Variants in CCDC117 observed in about 807,000 individuals in gnomAD.
CCDC117 encodes coiled-coil domain containing 117.
In CCDC117, 1 loss-of-function variant was observed where a neutral mutation model predicts 23.5. The ratio of observed to expected loss-of-function variants is 0.04; its 90% CI spans 0.02 to 0.20. The LOEUF is 0.20. Among genes scored for constraint, CCDC117 ranks in the 10% least tolerant of loss-of-function variants. The probability of loss-of-function intolerance (pLI) is 1.00; values close to 1 mark genes in which losing one functional copy is unlikely to be tolerated. For missense variants in CCDC117, 383 were observed against 348.2 expected, an observed-to-expected ratio of 1.10 and a Z score of -0.80; for synonymous variants, 132 against 124.8, an observed-to-expected ratio of 1.06 and a Z score of -0.39.
At chr22:28,776,900 A>G (rs569228040) in intron 2 of CCDC117, among the ~76,000 whole-genome samples, 26 of 151,382 alleles carry the variant, frequency 1.7e-4, no homozygotes, top group Admixed American at 1.5e-3. Context: ...TTGTATTTTT[A>G]GTAGAGAAAT....
At chr22:28,784,678 G>A (rs1396827953) in intron 4 of CCDC117, among the ~76,000 whole-genome samples, 1 of 152,234 alleles carries the variant, frequency 6.6e-6, no homozygotes, top group Non-Finnish European at 1.5e-5. Context: ...ATAGCCAGAA[G>A]TAAGCTGGTC....
chr22:28,783,735 T>G, intron 4 of CCDC117, 90 bp downstream of exon 4: 1 of 1,227,620 alleles, frequency 8.1e-7, no homozygotes, highest in African/African-American at 1.5e-5. Context: ...TCATTAGCTC[T>G]TTTTATCTCC....
At chr22:28,773,081 G>C (rs2031042847) in intron 1 of CCDC117, 47 bp downstream of exon 1, 1 of 918,648 alleles carries the variant, frequency 1.1e-6, no homozygotes, top group Non-Finnish European at 1.3e-6. Flanking sequence ...GGGCGGGCGG[G>C]CAGGCTGGGC....
chr22:28,773,181 C>T (rs965614162), intron 1 of CCDC117, 147 bp downstream of exon 1: 2 of 209,534 alleles, frequency 9.5e-6, no homozygotes, highest in Non-Finnish European at 1.7e-5. Context: ...AGCTTCGCAG[C>T]CCAGTTTACA....
intron 3 of CCDC117, among the ~76,000 whole-genome samples, 181 bp downstream of exon 3, chr22:28,781,353 T>TTTTTTTTTTTTTTTTTTTG (rs1225798112): frequency 8.1e-5 from 1 of 12,304 alleles, no homozygotes; most frequent in Non-Finnish European, 1.2e-4. Context: ...TTTTTTTTTT[T>TTTTTTTTTTTTTTTTTTTG]TTTTTTTTTT....
chr22:28,777,644 G>A (rs1291451281), intron 2 of CCDC117, among the ~76,000 whole-genome samples: 1 of 151,522 alleles, frequency 6.6e-6, no homozygotes, highest in African/African-American at 2.4e-5. Context: ...CGAGTTGCTG[G>A]GACCACAGGC....
rs2031298985 is a variant in CCDC117 at position 28,781,010 on chromosome 22, T to G, written c.302T>G (p.Ile101Ser). 1 of 1,613,970 alleles carries G rather than the reference T, an allele frequency of 6.2e-7. No individual in the cohort carries two copies. The change falls in exon 3 of 5, where the codon ATT becomes AGT. Residue 101 changes from isoleucine to serine, a missense_variant. By Grantham distance (142) the Ile-to-Ser change is moderately radical. Transcript: ENST00000249064. ...CTCTGTGCTGGTCCTAATGACTGGA[T>G]TCTTTGTGCACATCAGGATGTAGAG... ...AELCAGPNDW[I>S]LCAHQDVEGH...
intron 3 of CCDC117, among the ~76,000 whole-genome samples, chr22:28,782,549 C>G (rs1033927544): frequency 6.6e-6 from 1 of 152,128 alleles, no homozygotes; most frequent in Non-Finnish European, 1.5e-5. Context: ...GGCGATTCTC[C>G]TGCCTCAATC....
intron 4 of CCDC117, among the ~76,000 whole-genome samples, chr22:28,785,065 C>G (rs2031469915): frequency 6.6e-6 from 1 of 151,620 alleles, no homozygotes; most frequent in African/African-American, 2.4e-5. Flanking sequence ...CCACCGCGCC[C>G]AGCCAAGGGT....
intron 1 of CCDC117, chr22:28,773,378 A>C: frequency 4.4e-6 from 1 of 228,382 alleles, no homozygotes; most frequent in Non-Finnish European, 8.7e-6. Flanking sequence ...TCAGTGTCTC[A>C]TCTGCAAAGT....
At chr22:28,782,212 A>C (rs1323105418) in intron 3 of CCDC117, among the ~76,000 whole-genome samples, 1 of 146,174 alleles carries the variant, frequency 6.8e-6, no homozygotes, top group African/African-American at 2.6e-5. Flanking sequence ...TGCTGGGATT[A>C]CAGGCATGAG....
Position 28,772,724 on chromosome 22 carries a change from G to T in CCDC117, c.-126G>T. The T allele has an allele frequency of 1.4e-6, 1 of 713,898 alleles. No individual in the cohort carries two copies. The highest frequency in any genetic ancestry group is 1.9e-6 in the Non-Finnish European group (1 of 523,858). The allele number at this position is 713,898 out of a possible 1,614,324, so 44.2% of individuals were successfully genotyped here. ...GGCCTGAGGTGGAGGGTTCTAGAAGGCGTGACGTGGGGTCGAGAGCGGGAT... is the reference window on the plus strand; with the variant it reads ...GGCCTGAGGTGGAGGGTTCTAGAAGTCGTGACGTGGGGTCGAGAGCGGGAT... On this transcript the variant is annotated 5_prime_UTR_variant, in exon 1 of 5. Coordinates refer to ENST00000249064, the MANE Select transcript of CCDC117 (RefSeq NM_173510.4).
chr22:28,783,087 G>A (rs1455445873), intron 3 of CCDC117, among the ~76,000 whole-genome samples: 5 of 151,982 alleles, frequency 3.3e-5, no homozygotes, highest in Non-Finnish European at 7.4e-5. Context: ...TGTTGCCCAC[G>A]CTGGTGTGCA....
At chr22:28,785,651 G>A (rs2031487990) in intron 4 of CCDC117, among the ~76,000 whole-genome samples, 1 of 152,042 alleles carries the variant, frequency 6.6e-6, no homozygotes, top group African/African-American at 2.4e-5. Flanking sequence ...AGGGCTCTGC[G>A]TTTTCATATT....
At chr22:28,784,182 A>G (rs2031440070) in intron 4 of CCDC117, among the ~76,000 whole-genome samples, 1 of 152,218 alleles carries the variant, frequency 6.6e-6, no homozygotes, top group Non-Finnish European at 1.5e-5. Flanking sequence ...GGTTTCCTAG[A>G]TCATCAGAGT....
intron 4 of CCDC117, 138 bp from the exon 5 acceptor site, chr22:28,785,951 G>T: frequency 1.4e-5 from 8 of 570,806 alleles, no homozygotes; most frequent in African/African-American, 1.9e-5. Flanking sequence ...AGAAAGTAAA[G>T]ATCAGTTTGT....
intron 3 of CCDC117, among the ~76,000 whole-genome samples, chr22:28,783,215 A>G (rs938894019): frequency 3.3e-5 from 5 of 151,538 alleles, no homozygotes; most frequent in Admixed American, 1.3e-4. Flanking sequence ...AAATTTTTCT[A>G]TTTTTAGTAG....
At chr22:28,782,929 T>G (rs1035816274) in intron 3 of CCDC117, among the ~76,000 whole-genome samples, 1 of 152,218 alleles carries the variant, frequency 6.6e-6, no homozygotes, top group Non-Finnish European at 1.5e-5. Context: ...CGTTTTCACT[T>G]ACTGCCTCTG....
intron 3 of CCDC117, 79 bp from the exon 4 acceptor site, chr22:28,783,429 A>C: frequency 7.1e-7 from 1 of 1,406,420 alleles, no homozygotes; most frequent in Non-Finnish European, 9.7e-7. Context: ...TTTTATTTTT[A>C]AAATTTTGTC....
Sources: gnomAD v4.1 joint callset for allele counts (sites outside exome capture counted in the v4.1 genomes callset) on GRCh38, gnomAD v4.1.1 for gene constraint, MANE v1.5 for transcripts, NCBI Gene and HGNC (gene_info 2026-07-23, HGNC 2026-07-21) for gene names.